The following KIAA1671 variants were observed in gnomAD, a reference collection of about 807,000 sequenced individuals.
The protein encoded by KIAA1671 is uncharacterized protein KIAA1671.
A neutral mutation model predicts 131.2 loss-of-function variants in KIAA1671; 52 were observed. That is an observed-to-expected ratio of 0.40 (90% CI 0.32 to 0.50). KIAA1671 has a LOEUF of 0.50. Ranked by LOEUF, KIAA1671 falls within the 20% of genes least tolerant of loss-of-function variation. The probability of loss-of-function intolerance (pLI) is 0.73; values close to 1 mark genes in which losing one functional copy is unlikely to be tolerated. For missense variants in KIAA1671, 2,360 were observed against 2,364.2 expected, an observed-to-expected ratio of 1.00 and a Z score of 0.04; for synonymous variants, 1,003 against 961.6, an observed-to-expected ratio of 1.04 and a Z score of -0.80.
rs116587538 is a variant in KIAA1671, at chr22:25,139,042, A to G, written c.4531-31778A>G. Among the ~76,000 whole-genome samples, 179 of 152,354 alleles carry G rather than the reference A, an allele frequency of 1.2e-3. 1 individual carries two copies. Among genetic ancestry groups the G allele is most frequent in the African/African-American group, 3.8e-3 (159 of 41,584 alleles). ...GCACCAGCCACTGCACACCACCCCCAGACCCCAACTGAGAAGTAGTGGAGG... is the reference window on the plus strand; with the variant it reads ...GCACCAGCCACTGCACACCACCCCCGGACCCCAACTGAGAAGTAGTGGAGG... On this transcript the variant is annotated intron_variant, in intron 6 of 12. Coordinates refer to ENST00000358431, the MANE Select transcript of KIAA1671 (RefSeq NM_001145206.2).
Position 25,184,975 on chromosome 22 carries a change from A to T in KIAA1671, c.5200-2A>T, listed in dbSNP as rs776682029. On this transcript the variant is annotated splice_acceptor_variant, in intron 10 of 12. Transcript: ENST00000358431. LOFTEE classifies it high-confidence loss of function. ...ATAGACTCAGCTCTCTTTTCTCCCC[A>T]GGCTCAGCTGCACAAGAGGCCAGAG... The T allele has an allele frequency of 1.0e-5, 16 of 1,551,348 alleles. No individual in the cohort carries two copies. In the South Asian group the frequency reaches 1.8e-4, roughly 17 times the overall value.
chr22:25,176,149 T>G (rs1240976327), intron 8 of KIAA1671: 1 of 152,260 alleles, frequency 6.6e-6, no homozygotes, highest in Non-Finnish European at 1.5e-5. Context: ...CAAGCCTGCC[T>G]CTAGGTGCAG....
At chr22:25,109,730 C>A (rs963980010) in intron 6 of KIAA1671, among the ~76,000 whole-genome samples, 6 of 152,314 alleles carry the variant, frequency 3.9e-5, no homozygotes, top group Middle Eastern at 6.8e-3. Flanking sequence ...CCACTGTCAT[C>A]CCCTGCTGGG....
At chr22:25,086,431 G>T (rs1330213057) in intron 6 of KIAA1671, among the ~76,000 whole-genome samples, 2 of 152,216 alleles carry the variant, frequency 1.3e-5, no homozygotes, top group South Asian at 2.1e-4. Flanking sequence ...TGAGCTGAAC[G>T]CAGGAGTGAG....
intron 6 of KIAA1671, chr22:25,052,823 TC>T (rs1927611908): frequency 6.6e-6 from 1 of 152,158 alleles, no homozygotes; most frequent in Admixed American, 6.5e-5. Flanking sequence ...TTCAAGTGAT[TC>T]TCGTGCCTCA....
chr22:24,989,600 A>AG (rs972405031), intron 1 of KIAA1671, among the ~76,000 whole-genome samples: 11 of 152,098 alleles, frequency 7.2e-5, no homozygotes, highest in Non-Finnish European at 1.3e-4. Flanking sequence ...GTCAGGGCTC[A>AG]GGGGGGATGC....
intron 1 of KIAA1671, among the ~76,000 whole-genome samples, chr22:24,982,819 C>A (rs1036297293): frequency 1.2e-4 from 19 of 152,128 alleles, no homozygotes; most frequent in Admixed American, 1.2e-3. Context: ...CTTCTCCTGC[C>A]GGACCCAAGT....
intron 1 of KIAA1671, among the ~76,000 whole-genome samples, chr22:24,987,422 C>T (rs767293498): frequency 4.6e-5 from 7 of 152,130 alleles, no homozygotes; most frequent in African/African-American, 1.2e-4. Flanking sequence ...CCACCCGCCT[C>T]GGCCTCTCAA....
At chr22:24,967,775 G>A (rs1398268455) in intron 1 of KIAA1671, among the ~76,000 whole-genome samples, 2 of 152,216 alleles carry the variant, frequency 1.3e-5, no homozygotes, top group East Asian at 1.9e-4. Flanking sequence ...GGCGGATCAT[G>A]AGGTCAGGAG....
At chr22:25,001,517 C>G (rs1330252477) in intron 1 of KIAA1671, among the ~76,000 whole-genome samples, 1 of 151,996 alleles carries the variant, frequency 6.6e-6, no homozygotes, top group Non-Finnish European at 1.5e-5. Context: ...AAGGGGGAGG[C>G]TGATAGAGTC....
chr22:24,994,188 T>G (rs1923989288), intron 1 of KIAA1671, among the ~76,000 whole-genome samples: 1 of 152,186 alleles, frequency 6.6e-6, no homozygotes, highest in Non-Finnish European at 1.5e-5. Context: ...CTCCCCACTG[T>G]GTCACGACAC....
intron 1 of KIAA1671, among the ~76,000 whole-genome samples, chr22:24,994,288 G>A (rs1340806551): frequency 6.6e-6 from 1 of 152,090 alleles, no homozygotes; most frequent in Non-Finnish European, 1.5e-5. Context: ...GGTTCCCCCA[G>A]AAGCAGAGCC....
intron 1 of KIAA1671, among the ~76,000 whole-genome samples, chr22:24,977,334 A>C (rs1922966005): frequency 6.6e-6 from 1 of 152,186 alleles, no homozygotes; most frequent in Non-Finnish European, 1.5e-5. Context: ...CTTTTGGATA[A>C]AATGTTTGGC....
chr22:25,044,055 G>A (rs1222755416), intron 5 of KIAA1671, among the ~76,000 whole-genome samples: 1 of 152,124 alleles, frequency 6.6e-6, no homozygotes, highest in Non-Finnish European at 1.5e-5. Flanking sequence ...TTAAGAGTGG[G>A]TAAGTGATGG....
intron 6 of KIAA1671, chr22:25,049,658 C>T: frequency 6.3e-6 from 2 of 316,100 alleles, no homozygotes; most frequent in Non-Finnish European, 1.2e-5. Flanking sequence ...TCCTGGGTTC[C>T]AATCCCAGCA....
At chr22:24,979,058 C>G (rs531594804) in intron 1 of KIAA1671, among the ~76,000 whole-genome samples, 31 of 150,698 alleles carry the variant, frequency 2.1e-4, no homozygotes, top group Middle Eastern at 3.4e-3. Flanking sequence ...TGCAGTGGTG[C>G]GATCTTGCCT....
At position 25,174,255 on chromosome 22, in the gene KIAA1671, C is replaced by A. The variant is rs2146019897; in HGVS notation, c.4665C>A (p.Ser1555=). 1 of 1,551,642 alleles carries A rather than the reference C, an allele frequency of 6.4e-7. No homozygotes were observed. The highest frequency in any genetic ancestry group is 1.2e-5 in the South Asian group (1 of 84,046). ...TTTTTGGCAGCTTGGCCACTGAGTC[C>A]CCAGATAGCAGTGCCACATCGACAA... ...CQSGESLATE[S]PDSSATSTRK... Residue 1555 remains serine, a synonymous_variant, in exon 8 of 13, where the codon TCC becomes TCA. Transcript: ENST00000358431.
Position 25,141,721 on chromosome 22 carries a change from C to T in KIAA1671, c.4531-29099C>T, listed in dbSNP as rs556675188. 9.8e-5 allele frequency among the ~76,000 whole-genome samples: 15 copies of T among 152,296 alleles called. 1 individual carries two copies. Among genetic ancestry groups the T allele is most frequent in the African/African-American group, 3.4e-4 (14 of 41,562 alleles). ...TCTGGGAACAGCCAATCCAGGCCTA[C>T]GCATGTCCCCACCTTTTATTTAAAG... On this transcript the variant is annotated intron_variant, in intron 6 of 12. Transcript: ENST00000358431.
Position 25,033,221 on chromosome 22 carries a change from T to C in KIAA1671, c.1629+525T>C, listed in dbSNP as rs545256089. ...GGCAACATAGTGAGACTCTTATCTC[T>C]AAAAGAAAAAAAAAATTTTTTTTAA... On this transcript the variant is annotated intron_variant, in intron 4 of 12. Coordinates refer to ENST00000358431, the MANE Select transcript of KIAA1671 (RefSeq NM_001145206.2). 1.5e-4 allele frequency among the ~76,000 whole-genome samples: 23 copies of C among 151,818 alleles called. No homozygotes were observed. The South Asian group carries it at 4.8e-3, about 32-fold the overall frequency.
Sources: gnomAD v4.1 joint callset for allele counts (sites outside exome capture counted in the v4.1 genomes callset) on GRCh38, gnomAD v4.1.1 for gene constraint, MANE v1.5 for transcripts, NCBI Gene and HGNC (gene_info 2026-07-23, HGNC 2026-07-21) for gene names.